The following PTPRK variants were observed in gnomAD, a reference collection of about 807,000 sequenced individuals.
PTPRK encodes the protein receptor-type tyrosine-protein phosphatase kappa.
Under a neutral mutation model 178.0 loss-of-function variants are expected in PTPRK, and 75 were observed. The observed-to-expected ratio is 0.42, with a 90% CI of 0.35 to 0.51. The LOEUF is 0.51. PTPRK is among the 20% of genes least tolerant of loss of function. The probability of loss-of-function intolerance (pLI) is 0.02; values close to 1 mark genes in which losing one functional copy is unlikely to be tolerated. For missense variants in PTPRK, 1,441 were observed against 1,797.8 expected, an observed-to-expected ratio of 0.80 and a Z score of 3.59; for synonymous variants, 637 against 620.6, an observed-to-expected ratio of 1.03 and a Z score of -0.39.
intron 1 of PTPRK, among the ~76,000 whole-genome samples, chr6:128,404,022 C>T (rs138870122): frequency 2.2e-4 from 33 of 152,310 alleles, no homozygotes; most frequent in African/African-American, 7.5e-4. Context: ...AGGCCACAGT[C>T]TGAATTTGGC....
chr6:128,415,912 TG>T (rs760372636), intron 1 of PTPRK, among the ~76,000 whole-genome samples: 1 of 152,176 alleles, frequency 6.6e-6, no homozygotes, highest in East Asian at 1.9e-4. Flanking sequence ...AAATTTTTGA[TG>T]GTTGAGATTA....
intron 11 of PTPRK, among the ~76,000 whole-genome samples, chr6:128,070,335 T>C (rs2114954191): frequency 6.6e-6 from 1 of 152,138 alleles, no homozygotes; most frequent in East Asian, 1.9e-4. Flanking sequence ...CCAAAATTCA[T>C]GTTAAAACCC....
chr6:128,386,047 T>A (rs1018722750), intron 2 of PTPRK, among the ~76,000 whole-genome samples: 5 of 152,270 alleles, frequency 3.3e-5, no homozygotes, highest in African/African-American at 1.2e-4. Context: ...GTTTTTTTGA[T>A]TGGTATATAT....
chr6:128,472,430 C>G lies in PTPRK; in HGVS notation c.100+47829G>C, dbSNP rs561651449. On this transcript the variant is annotated intron_variant, in intron 1 of 29. Coordinates refer to ENST00000368226, the MANE Select transcript of PTPRK (RefSeq NM_002844.4). ...CCCTGAATTTTTGACACCCCCCCCC[C>G]CTTTAGCTTAGGGAACTCCCTGAAT... 1.2e-3 allele frequency among the ~76,000 whole-genome samples: 183 copies of G among 147,044 alleles called. 1 individual carries two copies. The East Asian group carries it at 0.028, about 22-fold the overall frequency.
At chr6:128,117,456 G>A (rs2114375605) in intron 7 of PTPRK, among the ~76,000 whole-genome samples, 1 of 152,228 alleles carries the variant, frequency 6.6e-6, no homozygotes, top group Non-Finnish European at 1.5e-5. Flanking sequence ...ATAAACTTTA[G>A]AAGAATCTGA....
intron 1 of PTPRK, among the ~76,000 whole-genome samples, chr6:128,451,750 G>A (rs897087785): frequency 1.3e-5 from 2 of 151,896 alleles, no homozygotes; most frequent in Admixed American, 1.3e-4. Flanking sequence ...TTTCTTATAT[G>A]GTAAATATTG....
intron 6 of PTPRK, among the ~76,000 whole-genome samples, chr6:128,192,396 C>A (rs1185791811): frequency 6.6e-6 from 1 of 152,038 alleles, no homozygotes; most frequent in Admixed American, 6.6e-5. Context: ...GTTAGGTGCC[C>A]ACAAAACATT....
intron 4 of PTPRK, chr6:128,241,212 T>C: frequency 1.9e-6 from 1 of 533,042 alleles, no homozygotes; most frequent in Non-Finnish European, 3.9e-6. Flanking sequence ...CATCTTTCTC[T>C]AGTGACTTAC....
chr6:128,493,591 T>TACACACACACACACACACACAC (rs59656384), intron 1 of PTPRK, among the ~76,000 whole-genome samples: 1 of 124,032 alleles, frequency 8.1e-6, no homozygotes, highest in African/African-American at 3.1e-5. Flanking sequence ...TCCCGCCCCC[T>TACACACACACACACACACACAC]ACACACACAC....
At chr6:128,070,659 C>T (rs1445369734) in intron 11 of PTPRK, among the ~76,000 whole-genome samples, 1 of 151,784 alleles carries the variant, frequency 6.6e-6, no homozygotes, top group Admixed American at 6.6e-5. Context: ...ACTCTATAAC[C>T]CTCCCACTCT....
chr6:127,991,358 CT>C lies in PTPRK; in HGVS notation c.2914del (p.Arg972GlyfsTer2). ...PVHETVYDFW[R>X]MIWQEQSACI... ...AGCAGATTGTTCTTGCCAAATCATC[CT>C]CCAGAAATCATACACTGTTTCATGA... On this transcript the variant is annotated frameshift_variant, in exon 20 of 30. Coordinates refer to ENST00000368226, the MANE Select transcript of PTPRK (RefSeq NM_002844.4). LOFTEE classifies it high-confidence loss of function. The C allele has an allele frequency of 6.2e-7, 1 of 1,601,160 alleles. No individual in the cohort carries two copies. Among genetic ancestry groups the C allele is most frequent in the Admixed American group, 1.7e-5 (1 of 58,300 alleles).
chr6:128,295,359 C>T (rs971440982), intron 3 of PTPRK, among the ~76,000 whole-genome samples: 1 of 151,974 alleles, frequency 6.6e-6, no homozygotes, highest in African/African-American at 2.4e-5. Flanking sequence ...AAACCATAGG[C>T]TGGTAATGGA....
intron 7 of PTPRK, among the ~76,000 whole-genome samples, chr6:128,155,027 C>T (rs1315048422): frequency 6.6e-6 from 1 of 151,706 alleles, no homozygotes; most frequent in African/African-American, 2.4e-5. Flanking sequence ...TCACACAGCA[C>T]TTGGGTGATT....
intron 7 of PTPRK, among the ~76,000 whole-genome samples, chr6:128,139,578 T>A (rs1795481384): frequency 1.3e-5 from 2 of 152,062 alleles, no homozygotes; most frequent in African/African-American, 4.8e-5. Flanking sequence ...TTACAGTCAA[T>A]GAAGTCAATA....
At chr6:128,398,142 G>GA (rs1265924854) in intron 1 of PTPRK, among the ~76,000 whole-genome samples, 1 of 152,154 alleles carries the variant, frequency 6.6e-6, no homozygotes. Flanking sequence ...GGGAGTGCGC[G>GA]AGCAGCAGCT....
At chr6:128,287,646 A>G (rs1439312477) in intron 3 of PTPRK, among the ~76,000 whole-genome samples, 1 of 152,088 alleles carries the variant, frequency 6.6e-6, no homozygotes, top group African/African-American at 2.4e-5. Flanking sequence ...ACTAGACACC[A>G]TTGCCCTTAA....
At chr6:128,099,406 C>G (rs1788432531) in intron 7 of PTPRK, among the ~76,000 whole-genome samples, 1 of 151,816 alleles carries the variant, frequency 6.6e-6, no homozygotes. Flanking sequence ...TGACATGGAG[C>G]TCTTCTCCCC....
chr6:128,322,082 C>A lies in PTPRK; in HGVS notation c.452G>T (p.Arg151Leu). 7 of 1,613,858 alleles carry A rather than the reference C, an allele frequency of 4.3e-6. No individual in the cohort carries two copies. The highest frequency in any genetic ancestry group is 5.9e-6 in the Non-Finnish European group (7 of 1,179,904). Reference sequence around the variant, plus strand: ...AAAGGTGCTCACTGCTAGCTCAGCCCGAAGCCAATCTCTACCCGTGAATCC... The same window carrying A: ...AAAGGTGCTCACTGCTAGCTCAGCCAGAAGCCAATCTCTACCCGTGAATCC... ...VTGFTGRDWL[R>L]AELAVSTFWP... The change falls in exon 3 of 30, where the codon CGG (arginine) becomes CTG (leucine). Residue 151 changes from arginine to leucine, a missense_variant. Physicochemically the swap from Arg to Leu is moderately radical, Grantham distance 102. This residue lies in a region of PTPRK where 158 missense variants were observed against 188.0 expected (regional missense o/e 0.84). Coordinates refer to ENST00000368226, the MANE Select transcript of PTPRK (RefSeq NM_002844.4).
intron 5 of PTPRK, among the ~76,000 whole-genome samples, chr6:128,219,772 A>G (rs944414463): frequency 2.0e-5 from 3 of 152,164 alleles, no homozygotes; most frequent in African/African-American, 7.2e-5. Context: ...CTTATGCTGT[A>G]TTGCCTGTGC....
Sources: allele counts gnomAD v4.1 joint callset (sites outside exome capture counted in the v4.1 genomes callset), GRCh38; gene constraint gnomAD v4.1.1; regional missense constraint gnomAD v4.1.1; transcripts MANE v1.5; gene names NCBI Gene and HGNC (gene_info 2026-07-23, HGNC 2026-07-21).